The following LSP1 variants were observed in gnomAD, a reference collection of about 807,000 sequenced individuals.
The protein encoded by LSP1 is lymphocyte specific protein 1, also known as lymphocyte-specific protein 1.
Under a neutral mutation model 49.3 loss-of-function variants are expected in LSP1, and 32 were observed. That is an observed-to-expected ratio of 0.65 (90% CI 0.49 to 0.87). The LOEUF (loss-of-function observed/expected upper bound fraction) is 0.87. LSP1 is among the 40% of genes least tolerant of loss of function. The probability of loss-of-function intolerance (pLI) is 0.00; values close to 1 mark genes in which losing one functional copy is unlikely to be tolerated. For synonymous variants in LSP1, 179 were observed against 178.8 expected (o/e 1.00, Z -0.01); for missense variants, 428 against 442.6 (o/e 0.97, Z 0.30).
At chr11:1,869,541 C>A in intron 1 of LSP1, 1 of 437,784 alleles carries the variant, frequency 2.3e-6, no homozygotes, top group Admixed American at 2.4e-5. Context: ...GGGTCCCGGG[C>A]ACTGCCCCTT....
chr11:1,873,236 C>T (rs991626338), intron 1 of LSP1, among the ~76,000 whole-genome samples: 5 of 151,878 alleles, frequency 3.3e-5, no homozygotes, highest in South Asian at 2.1e-4. Context: ...CCCTGGGGAC[C>T]GCTAGGCATA....
Position 1,884,253 on chromosome 11 carries a change from G to A in LSP1, c.592-27G>A. 6.2e-7 allele frequency: 1 copy of A among 1,613,722 alleles called. No individual in the cohort carries two copies. The highest frequency in any genetic ancestry group is 8.5e-7 in the Non-Finnish European group (1 of 1,179,660). On this transcript the variant is annotated intron_variant, in intron 5 of 10. Transcript: ENST00000311604. The surrounding 1 kb of genome is among the most constrained non-coding windows in gnomAD (Gnocchi z 4.1). ...GTGGGCTTTACCTCGGCTGCTGCAG[G>A]CCTGTGTCTCTCTCCACCCTCTGCA...
At chr11:1,891,226 TG>T (rs1324296825) in intron 10 of LSP1, 1 of 152,382 alleles carries the variant, frequency 6.6e-6, no homozygotes, top group African/African-American at 2.4e-5. Context: ...CTGTCTGGGG[TG>T]GCCCGGCCAA....
chr11:1,884,441 G>A lies in LSP1; in HGVS notation c.636-59G>A. 2.5e-6 allele frequency: 4 copies of A among 1,602,260 alleles called. No homozygotes were observed. The highest frequency in any genetic ancestry group is 4.5e-5 in the East Asian group (2 of 44,830). ...CGAGGGGGGCTCTGGGAGAGGCTTG[G>A]GCAGGTTGGGAGAAGCCTTGTGGGA... On this transcript the variant is annotated intron_variant, in intron 6 of 10. Coordinates refer to ENST00000311604, the MANE Select transcript of LSP1 (RefSeq NM_002339.3). This position sits in a 1 kb window ranked among gnomAD's most constrained non-coding sequence, Gnocchi z 4.1.
rs200337749 is a variant in LSP1 at position 1,884,672 on chromosome 11, C to T, written c.717+91C>T. 277 of 1,113,584 alleles carry T rather than the reference C, an allele frequency of 2.5e-4. 1 individual carries two copies. In the East Asian group the frequency reaches 5.8e-3, roughly 23 times the overall value. The allele number at this position is 1,113,584 out of a possible 1,614,324, so 69.0% of individuals were successfully genotyped here. A position where few individuals can be genotyped will look rare whatever the true frequency, so the allele number is the denominator to read the frequency against. On this transcript the variant is annotated intron_variant, in intron 7 of 10. Transcript: ENST00000311604. This position sits in a 1 kb window ranked among gnomAD's most constrained non-coding sequence, Gnocchi z 4.1. Reference sequence around the variant, plus strand: ...CAACGCCCTTCCATCCAATCAGTGCCGCCTTATTCAACCAACACCCTATCC... The same window carrying T: ...CAACGCCCTTCCATCCAATCAGTGCTGCCTTATTCAACCAACACCCTATCC...
chr11:1,870,207 A>C (rs766957218), intron 1 of LSP1: 7 of 1,158,300 alleles, frequency 6.0e-6, no homozygotes, highest in South Asian at 5.1e-5. Flanking sequence ...TCCCAAGGCC[A>C]TGTGAGTCTC....
chr11:1,855,706 T>C (rs1438198896), intron 1 of LSP1, among the ~76,000 whole-genome samples: 2 of 152,200 alleles, frequency 1.3e-5, no homozygotes, highest in African/African-American at 2.4e-5. Context: ...GGCACTCCTG[T>C]CTCGCCCCGC....
In LSP1 at chr11:1,867,060, C is replaced by T. The variant is rs1239662335; in HGVS notation, c.54-13027C>T. The T allele has an allele frequency of 3.9e-5, 31 of 802,810 alleles. No homozygotes were observed. In the Admixed American group the frequency reaches 6.8e-4, roughly 18 times the overall value. The allele number at this position is 802,810 out of a possible 1,614,324, so 49.7% of individuals were successfully genotyped here. A position where few individuals can be genotyped will look rare whatever the true frequency, so the allele number is the denominator to read the frequency against. On this transcript the variant is annotated intron_variant, in intron 1 of 10. Coordinates refer to ENST00000311604, the MANE Select transcript of LSP1 (RefSeq NM_002339.3). ...ACCTGGGGAGGAGGCACTGAAGCCG[C>T]GTGGGCTCAGGCTCGGGGCCAGTCC...
chr11:1,875,343 G>A (rs1160244455), intron 1 of LSP1, among the ~76,000 whole-genome samples: 1 of 152,212 alleles, frequency 6.6e-6, no homozygotes, highest in East Asian at 1.9e-4. Flanking sequence ...GGACCTGGGT[G>A]TGGGGATCCT....
chr11:1,864,415 G>T (rs984112204), intron 1 of LSP1: 18 of 186,874 alleles, frequency 9.6e-5, no homozygotes, highest in Non-Finnish European at 1.7e-4. Flanking sequence ...AGGGGAGACC[G>T]AGAAGCGGGC....
chr11:1,866,971 C>T, intron 1 of LSP1: 1 of 1,415,908 alleles, frequency 7.1e-7, no homozygotes, highest in Non-Finnish European at 9.3e-7. Flanking sequence ...GGGGCCAGTC[C>T]CTGTGGACCT....
At chr11:1,861,961 A>G (rs12803565) in intron 1 of LSP1, among the ~76,000 whole-genome samples, 10 of 119,632 alleles carry the variant, frequency 8.4e-5, no homozygotes, top group African/African-American at 1.9e-4. Flanking sequence ...GTGGATGGAT[A>G]GATGGATGGA....
rs1848595447 is a variant in LSP1, at chr11:1,882,694, A to G, written c.357-725A>G. 2.0e-5 allele frequency among the ~76,000 whole-genome samples: 3 copies of G among 152,118 alleles called. No individual in the cohort carries two copies. In the South Asian group the frequency reaches 6.2e-4, roughly 31 times the overall value. On this transcript the variant is annotated intron_variant, in intron 3 of 10. Transcript: ENST00000311604. ...CCACCCCCTGCACCTGCCTGGCTGC[A>G]CAGACCTGCTCCTGAATGGCCCCTC... is the stretch of plus-strand genomic sequence containing the variant.
chr11:1,865,335 G>A, intron 1 of LSP1: 5 of 670,344 alleles, frequency 7.5e-6, no homozygotes, highest in Admixed American at 6.3e-5. Flanking sequence ...ACATGCACCG[G>A]GCCACTGGGC....
At chr11:1,870,817 G>C in intron 1 of LSP1, 1 of 987,966 alleles carries the variant, frequency 1.0e-6, no homozygotes, top group Non-Finnish European at 1.2e-6. Context: ...TCGAGCCGTT[G>C]CCAGGGACTG....
intron 1 of LSP1, among the ~76,000 whole-genome samples, chr11:1,860,716 G>A (rs540690672): frequency 1.3e-5 from 2 of 152,320 alleles, no homozygotes; most frequent in South Asian, 4.1e-4. Flanking sequence ...CTGATCATCA[G>A]CCCAACAGCT....
chr11:1,859,750 AC>A (rs1287100802), intron 1 of LSP1, among the ~76,000 whole-genome samples: 1 of 37,608 alleles, frequency 2.7e-5, no homozygotes, highest in Non-Finnish European at 5.1e-5. Flanking sequence ...CCTGCCCCCT[AC>A]CCGTGGCTCT....
intron 1 of LSP1, chr11:1,865,119 C>T (rs756542981): frequency 3.6e-6 from 3 of 835,516 alleles, no homozygotes; most frequent in Non-Finnish European, 4.3e-6. Flanking sequence ...AGAGGAGGGC[C>T]AGCAGGACAG....
rs1366951082 is a variant in LSP1 at position 1,883,430 on chromosome 11, A to G, written c.368A>G (p.His123Arg). Residue 123 changes from histidine to arginine, a missense_variant, in exon 4 of 11, where the codon CAT (histidine) becomes CGT (arginine). Transcript: ENST00000311604. The stretch of plus-strand genomic sequence containing the variant: ...CTTTCCACCCACAGGCCCGGCCTGC[A>G]TGCCTACGAAAAGGAGGACAGTGAT... The part of the protein sequence containing the change: ...EGEQEDRPGL[H>R]AYEKEDSDEV... 9 of 1,613,938 alleles carry G rather than the reference A, an allele frequency of 5.6e-6. No homozygotes were observed. The East Asian group carries it at 1.3e-4, about 24-fold the overall frequency.
Sources: allele counts gnomAD v4.1 joint callset (sites outside exome capture counted in the v4.1 genomes callset), GRCh38; gene constraint gnomAD v4.1.1; non-coding constraint Gnocchi (gnomAD v3.1); transcripts MANE v1.5; gene names NCBI Gene and HGNC (gene_info 2026-07-23, HGNC 2026-07-21).